Variants in GPI observed in about 807,000 individuals in gnomAD.
GPI encodes D-hexose-6-phosphate anomerase.
Under a neutral mutation model 75.8 loss-of-function variants are expected in GPI, and 56 were observed. The ratio of observed to expected loss-of-function variants is 0.74; its 90% confidence interval spans 0.60 to 0.92. The LOEUF (loss-of-function observed/expected upper bound fraction) is 0.92. Ranked by LOEUF, GPI falls within the 40% of genes least tolerant of loss-of-function variation. The pLI is 0.00. For missense variants in GPI, 638 were observed against 741.0 expected (o/e 0.86, Z 1.61); for synonymous variants, 288 against 285.4 (o/e 1.01, Z -0.09).
intron 4 of GPI, among the ~76,000 whole-genome samples, chr19:34,377,196 G>A (rs1230444278): frequency 1.4e-5 from 2 of 147,908 alleles, no homozygotes; most frequent in Non-Finnish European, 3.0e-5. Context: ...CAGCTACTCA[G>A]GAGGCTGAGG....
At position 34,387,772 on chromosome 19, in the gene GPI, G is replaced by T. The variant is rs568255357; in HGVS notation, c.805-5476G>T. On this transcript the variant is annotated intron_variant, in intron 9 of 17. Transcript: ENST00000356487. ...GGTTGTATAAACATGGTCTCAGGTG[G>T]GTTCTTGACACCTGGGTTCAAGCAC... is the stretch of plus-strand genomic sequence containing the variant. Among the ~76,000 whole-genome samples, 4 of 152,296 alleles carry T rather than the reference G, an allele frequency of 2.6e-5. No individual in the cohort carries two copies. The East Asian group carries it at 7.7e-4, about 29-fold the overall frequency.
upstream of GPI, among the ~76,000 whole-genome samples, chr19:34,361,915 G>C (rs1015770349): frequency 6.6e-6 from 1 of 152,034 alleles, no homozygotes; most frequent in African/African-American, 2.4e-5. Context: ...AGGAGATCGA[G>C]ACCATCCTGG....
intron 12 of GPI, 34 bp downstream of exon 12, chr19:34,394,100 A>C: frequency 6.3e-7 from 1 of 1,579,992 alleles, no homozygotes; most frequent in Non-Finnish European, 8.7e-7. Context: ...TGGAGTCAGC[A>C]AGATTTGTGG....
In GPI at chr19:34,369,336, C is replaced by T. The variant is rs147844228; in HGVS notation, c.402+634C>T. On this transcript the variant is annotated intron_variant, in intron 4 of 17. Coordinates refer to ENST00000356487, the MANE Select transcript of GPI (RefSeq NM_000175.5). ...ACAGGCATGAGCCACTGCGCCTGGC[C>T]GGAAGGAGCTTTTTCTAATCTCTTT... 1.6e-3 allele frequency among the ~76,000 whole-genome samples: 244 copies of T among 151,764 alleles called. 2 individuals carry two copies. Among genetic ancestry groups the T allele is most frequent in the African/African-American group, 3.9e-3 (161 of 41,384 alleles).
chr19:34,365,598 G>A, intron 1 of GPI: 1 of 833,904 alleles, frequency 1.2e-6, no homozygotes, highest in South Asian at 1.4e-5. Context: ...CGGGAGTCTC[G>A]GCCCCGGGTC....
chr19:34,399,050 TGTG>T (rs1475756510), intron 14 of GPI, 154 bp from the exon 15 acceptor site: 4 of 600,540 alleles, frequency 6.7e-6, no homozygotes, highest in Non-Finnish European at 1.2e-5. Context: ...TTCCCTGCCT[TGTG>T]GTGTCATCGG....
upstream of GPI, chr19:34,365,012 C>T (rs1340764616): frequency 6.5e-7 from 1 of 1,532,392 alleles, no homozygotes; most frequent in Non-Finnish European, 8.7e-7. Context: ...AAAGCGGCGG[C>T]GCAAGAGGTA....
upstream of GPI, among the ~76,000 whole-genome samples, chr19:34,361,747 G>A (rs1163399959): frequency 2.6e-5 from 4 of 152,066 alleles, no homozygotes; most frequent in African/African-American, 4.8e-5. Flanking sequence ...TTGGGAAGCC[G>A]AGGTGGGTGG....
At chr19:34,379,995 T>G (rs966199664) in intron 8 of GPI, 9 of 200,890 alleles carry the variant, frequency 4.5e-5, no homozygotes, top group South Asian at 7.2e-5. Flanking sequence ...GTTTTGTTTT[T>G]TTTTTTTTTT....
chr19:34,381,434 G>A (rs746749925), intron 8 of GPI, 32 bp from the exon 9 acceptor site: 36 of 1,488,452 alleles, frequency 2.4e-5, no homozygotes, highest in Middle Eastern at 1.7e-4. Context: ...ATGCTTCTTT[G>A]CATTTCTCTC....
chr19:34,371,207 A>G (rs1306021073), intron 4 of GPI, among the ~76,000 whole-genome samples: 1 of 152,230 alleles, frequency 6.6e-6, no homozygotes, highest in African/African-American at 2.4e-5. Context: ...AGGTATTTAT[A>G]GTTCAAAAAA....
At chr19:34,397,820 A>G (rs889797044) in intron 14 of GPI, 1 of 149,332 alleles carries the variant, frequency 6.7e-6, no homozygotes, top group African/African-American at 2.5e-5. Flanking sequence ...TTTTACTTTT[A>G]AGGGCCAGTG....
chr19:34,365,102 C>T (rs1599797209), upstream of GPI: 30 of 1,097,432 alleles, frequency 2.7e-5, 1 homozygote, highest in South Asian at 2.7e-4. Flanking sequence ...TATCGGGGCG[C>T]GGGTCGGGGG....
At chr19:34,389,481 GAATT>G (rs2074790287) in intron 9 of GPI, among the ~76,000 whole-genome samples, 1 of 152,128 alleles carries the variant, frequency 6.6e-6, no homozygotes, top group African/African-American at 2.4e-5. Context: ...TTCCAGGAGA[GAATT>G]AAGCCCTCAC....
intron 9 of GPI, among the ~76,000 whole-genome samples, chr19:34,387,693 T>C (rs1279020694): frequency 1.3e-5 from 2 of 152,028 alleles, no homozygotes; most frequent in Non-Finnish European, 2.9e-5. Flanking sequence ...TCAGTGCTGG[T>C]ATGTTGACCT....
intron 4 of GPI, among the ~76,000 whole-genome samples, chr19:34,370,061 T>G (rs1413654006): frequency 6.6e-6 from 1 of 152,242 alleles, no homozygotes; most frequent in East Asian, 1.9e-4. Context: ...CCTGCTCCTC[T>G]GAAGCTTATT....
At chr19:34,386,691 G>T (rs2074739837) in intron 9 of GPI, among the ~76,000 whole-genome samples, 1 of 152,190 alleles carries the variant, frequency 6.6e-6, no homozygotes. Context: ...TAGGAGGTCT[G>T]TGGCCCCTAA....
chr19:34,377,844 T>C lies in GPI; in HGVS notation c.596T>C (p.Leu199Pro). 6.2e-7 allele frequency: 1 copy of C among 1,614,146 alleles called. No homozygotes were observed. The highest frequency in any genetic ancestry group is 8.5e-7 in the Non-Finnish European group (1 of 1,180,002). Residue 199 changes from leucine (L) to proline (P), a missense_variant, in exon 6 of 18, where the codon CTG becomes CCG. Physicochemically the swap from Leu to Pro is moderately conservative, Grantham distance 98 (BLOSUM62 -3). Transcript: ENST00000356487. ...GTHIAKTLAQ[L>P]NPESSLFIIA... is the part of the protein sequence containing the mutation. Reference sequence around the variant, plus strand: ...CACATTGCCAAAACCCTGGCCCAGCTGAACCCCGAGTCCTCCCTGTTCATC... The same window carrying C: ...CACATTGCCAAAACCCTGGCCCAGCCGAACCCCGAGTCCTCCCTGTTCATC...
At chr19:34,363,681 G>A (rs1016191646), upstream of GPI, among the ~76,000 whole-genome samples, 4 of 152,128 alleles carry the variant, frequency 2.6e-5, no homozygotes, top group Admixed American at 6.6e-5. Context: ...TTAGTTGGGT[G>A]TGGTGGCGTG....
Sources: allele counts gnomAD v4.1 joint callset (sites outside exome capture counted in the v4.1 genomes callset), GRCh38; gene constraint gnomAD v4.1.1; transcripts MANE v1.5; gene names NCBI Gene and HGNC (gene_info 2026-07-23, HGNC 2026-07-21).